The following ASB4 variants were observed in gnomAD, a reference collection of about 807,000 sequenced individuals.
ASB4 encodes the protein ankyrin repeat and SOCS box protein 4.
A neutral mutation model predicts 38.6 loss-of-function variants in ASB4; 35 were observed. That is an observed-to-expected ratio of 0.91 (90% CI 0.69 to 1.20). The LOEUF (loss-of-function observed/expected upper bound fraction) is 1.20, where lower values mean the gene tolerates loss of function less well. Among genes scored for constraint, ASB4 ranks in the 50% most tolerant of loss-of-function variants. The pLI, the probability that ASB4 is intolerant of heterozygous loss-of-function variation, is 0.00. For synonymous variants in ASB4, 195 were observed against 201.3 expected (o/e 0.97, Z 0.26); for missense variants, 557 against 527.2 (o/e 1.06, Z -0.55).
chr7:95,502,743 T>C (rs1190054274), intron 2 of ASB4, among the ~76,000 whole-genome samples: 1 of 152,224 alleles, frequency 6.6e-6, no homozygotes, highest in Non-Finnish European at 1.5e-5. Flanking sequence ...TACCTTATAT[T>C]TTCATCTTAG....
chr7:95,548,486 G>A, the ASB4 span, among the ~76,000 whole-genome samples: 2 of 152,288 alleles, frequency 1.3e-5, no homozygotes, highest in African/African-American at 2.4e-5. Context: ...GTCCATCAGT[G>A]ATTATTCCAA....
At chr7:95,473,182 C>T in the ASB4 span, among the ~76,000 whole-genome samples, 1 of 152,154 alleles carries the variant, frequency 6.6e-6, no homozygotes, top group Admixed American at 6.5e-5. Flanking sequence ...CACCTCTATC[C>T]GTCAGAGGAG....
chr7:95,507,768 C>T lies in ASB4; in HGVS notation c.487+11711C>T, dbSNP rs543100924. Among the ~76,000 whole-genome samples the T allele has an allele frequency of 2.0e-5, 3 of 152,236 alleles. No individual in the cohort carries two copies. In the South Asian group the frequency reaches 6.2e-4, roughly 32 times the overall value. On this transcript the variant is annotated intron_variant, in intron 2 of 4. Coordinates refer to ENST00000325885, the MANE Select transcript of ASB4 (RefSeq NM_016116.3). ...ACCAGTAAAATCATGCTCAGTTGTA[C>T]ACATTGCTTCTTTCCCATATGAAGA... is the stretch of plus-strand genomic sequence containing the variant.
At chr7:95,484,135 C>T (rs533501525), upstream of ASB4, among the ~76,000 whole-genome samples, 25 of 150,096 alleles carry the variant, frequency 1.7e-4, no homozygotes, top group East Asian at 3.9e-3. Context: ...GGAGATCAGC[C>T]GGGGGAACAT....
chr7:95,506,337 G>A (rs1485045712), intron 2 of ASB4, among the ~76,000 whole-genome samples: 3 of 152,118 alleles, frequency 2.0e-5, no homozygotes, highest in Non-Finnish European at 4.4e-5. Flanking sequence ...GTGAACCACT[G>A]TCATCCTGGG....
At chr7:95,482,873 G>A (rs1790032326), upstream of ASB4, among the ~76,000 whole-genome samples, 1 of 152,092 alleles carries the variant, frequency 6.6e-6, no homozygotes, top group African/African-American at 2.4e-5. Flanking sequence ...TGGGATGGGG[G>A]GTGGTTTAGA....
At position 95,534,497 on chromosome 7, in the gene ASB4, C is replaced by T. The variant is rs184195541; in HGVS notation, c.979-1940C>T. ...TTCCTCCTATCTGATTAGTATTAAG[C>T]CCTATACTTGTTTCTTCTCCCAGCT... On this transcript the variant is annotated intron_variant, in intron 3 of 4. Transcript: ENST00000325885. 2.7e-4 allele frequency among the ~76,000 whole-genome samples: 41 copies of T among 152,144 alleles called. No individual in the cohort carries two copies. In the East Asian group the frequency reaches 7.3e-3, roughly 27 times the overall value.
upstream of ASB4, among the ~76,000 whole-genome samples, chr7:95,482,859 T>G (rs1790032089): frequency 6.6e-6 from 1 of 152,032 alleles, no homozygotes. Context: ...GGGTTGAACT[T>G]TGATGGGATG....
intron 3 of ASB4, 47 bp downstream of exon 3, chr7:95,528,350 C>A: frequency 1.9e-6 from 3 of 1,610,336 alleles, no homozygotes; most frequent in Non-Finnish European, 1.7e-6. Flanking sequence ...ATTCAAATGG[C>A]AGCCTTGTCT....
chr7:95,496,132 A>C, intron 2 of ASB4, 75 bp downstream of exon 2: 1 of 1,370,862 alleles, frequency 7.3e-7, no homozygotes, highest in Non-Finnish European at 1.0e-6. Context: ...ACCCCTACCT[A>C]CCCCAGATGA....
intron 3 of ASB4, among the ~76,000 whole-genome samples, chr7:95,534,917 G>A (rs1425695243): frequency 6.6e-6 from 1 of 152,110 alleles, no homozygotes; most frequent in Non-Finnish European, 1.5e-5. Flanking sequence ...TGCCTGTCAA[G>A]TCAATCCCAA....
intron 1 of ASB4, among the ~76,000 whole-genome samples, chr7:95,491,964 A>C (rs1790177264): frequency 6.6e-6 from 1 of 152,234 alleles, no homozygotes; most frequent in Non-Finnish European, 1.5e-5. Context: ...AAAGTTTTGC[A>C]ACACAGCTTC....
At chr7:95,483,823 A>AT (rs1364075738), upstream of ASB4, among the ~76,000 whole-genome samples, 3 of 152,262 alleles carry the variant, frequency 2.0e-5, no homozygotes, top group Admixed American at 2.0e-4. Context: ...AATCATAACA[A>AT]TAGCATAAAA....
intron 2 of ASB4, among the ~76,000 whole-genome samples, chr7:95,521,005 C>A (rs1790654690): frequency 6.6e-6 from 1 of 151,994 alleles, no homozygotes; most frequent in Admixed American, 6.6e-5. Context: ...CTTTACTCTG[C>A]AAATTTTGTG....
chr7:95,521,594 A>G (rs1790662564), intron 2 of ASB4, among the ~76,000 whole-genome samples: 1 of 151,994 alleles, frequency 6.6e-6, no homozygotes, highest in South Asian at 2.1e-4. Context: ...GATATTTACT[A>G]TTGGGAAAAA....
chr7:95,549,930 C>T, the ASB4 span, among the ~76,000 whole-genome samples: 2 of 152,142 alleles, frequency 1.3e-5, no homozygotes. Context: ...CAGCAAGGAG[C>T]ACTGGTGTTA....
At chr7:95,527,087 C>T (rs1028753503) in intron 2 of ASB4, among the ~76,000 whole-genome samples, 1 of 152,198 alleles carries the variant, frequency 6.6e-6, no homozygotes, top group African/African-American at 2.4e-5. Context: ...ATCATTTTCT[C>T]TCTTTCAATG....
At chr7:95,515,251 C>CTTT (rs1562817128) in intron 2 of ASB4, among the ~76,000 whole-genome samples, 18 of 98,578 alleles carry the variant, frequency 1.8e-4, no homozygotes, top group East Asian at 9.0e-4. Context: ...TTCTTTCTTT[C>CTTT]CTTCTTTCTT....
At chr7:95,474,981 C>T (rs10272732), upstream of ASB4, among the ~76,000 whole-genome samples, 1,374 of 152,248 alleles carry the variant, frequency 9.0e-3, 24 homozygotes, top group African/African-American at 0.032. Flanking sequence ...GATACTTTTG[C>T]AATATGATCC....
Sources: gnomAD v4.1 joint callset for allele counts (sites outside exome capture counted in the v4.1 genomes callset) on GRCh38, gnomAD v4.1.1 for gene constraint, MANE v1.5 for transcripts, NCBI Gene and HGNC (gene_info 2026-07-23, HGNC 2026-07-21) for gene names.